PLEKHF1: variants seen among roughly 807,000 people sequenced by gnomAD.
PLEKHF1 encodes the protein pleckstrin homology and FYVE domain containing 1, also known as pleckstrin homology domain-containing family F member 1.
In PLEKHF1, 1 loss-of-function variant was observed where a neutral mutation model predicts 4.1. That is an observed-to-expected ratio of 0.24 (90% CI 0.09 to 1.15). The LOEUF is 1.15. PLEKHF1 is among the 50% of genes most tolerant of loss of function. The pLI is 0.52. For missense variants in PLEKHF1, 429 were observed against 400.6 expected (o/e 1.07, Z -0.60); for synonymous variants, 182 against 178.5 (o/e 1.02, Z -0.16).
intron 1 of PLEKHF1, among the ~76,000 whole-genome samples, chr19:29,672,398 T>G (rs1218189675): frequency 1.3e-5 from 2 of 152,200 alleles, no homozygotes; most frequent in African/African-American, 4.8e-5. Context: ...TTACCAATGC[T>G]TGTCCTGGGT....
At chr19:29,673,764 G>C (rs1305106201) in intron 1 of PLEKHF1, 60 bp from the exon 2 acceptor site, 16 of 1,544,488 alleles carry the variant, frequency 1.0e-5, no homozygotes, top group Non-Finnish European at 1.4e-5. Context: ...GGTGGGCAGC[G>C]TGGTTCTGAC....
chr19:29,674,045 T>C lies in PLEKHF1; in HGVS notation c.206T>C (p.Leu69Pro), dbSNP rs564886176. The stretch of plus-strand genomic sequence containing the variant: ...ATCCTGGTGTATGGCAGCATCGTGC[T>C]CAACAAGCGCAAGTACCGCAGCCAG... ...NDILVYGSIV[L>P]NKRKYRSQHI... Residue 69 changes from leucine (L) to proline (P), a missense_variant, in exon 2 of 2, where the codon CTC becomes CCC. Coordinates refer to ENST00000436066, the MANE Select transcript of PLEKHF1 (RefSeq NM_024310.5). The C allele has an allele frequency of 6.2e-7, 1 of 1,614,138 alleles. No individual in the cohort carries two copies. Among genetic ancestry groups the C allele is most frequent in the East Asian group, 2.2e-5 (1 of 44,888 alleles).
chr19:29,670,788 C>T (rs974136090), intron 1 of PLEKHF1, among the ~76,000 whole-genome samples: 10 of 152,228 alleles, frequency 6.6e-5, no homozygotes, highest in Admixed American at 3.3e-4. Flanking sequence ...CGCCATTCTC[C>T]TGCCTCAGCC....
At chr19:29,665,659 G>GC in intron 1 of PLEKHF1, 154 bp downstream of exon 1, 1 of 1,134,834 alleles carries the variant, frequency 8.8e-7, no homozygotes, top group Non-Finnish European at 1.1e-6. Flanking sequence ...GCTGACTCCA[G>GC]CCCAAGAAGA....
At chr19:29,672,107 C>A (rs73024197) in intron 1 of PLEKHF1, among the ~76,000 whole-genome samples, 15,041 of 152,058 alleles carry the variant, frequency 0.099, 734 homozygotes, top group South Asian at 0.12. Context: ...AAGCAGAAAA[C>A]ACACAAGCAA....
At chr19:29,673,299 G>C (rs918225377) in intron 1 of PLEKHF1, among the ~76,000 whole-genome samples, 2 of 152,112 alleles carry the variant, frequency 1.3e-5, no homozygotes, top group African/African-American at 4.8e-5. Context: ...CTGATGTCCC[G>C]TTGAGGCCTG....
In PLEKHF1 at chr19:29,674,890, G is replaced by T; in HGVS notation, c.*211G>T. 1 of 702,546 alleles carries T rather than the reference G, an allele frequency of 1.4e-6. No individual in the cohort carries two copies. The allele number at this position is 702,546 out of a possible 1,614,324, so 43.5% of individuals were successfully genotyped here. A position where few individuals can be genotyped will look rare whatever the true frequency, so the allele number is the denominator to read the frequency against. On this transcript the variant is annotated 3_prime_UTR_variant, in exon 2 of 2. Coordinates refer to ENST00000436066, the MANE Select transcript of PLEKHF1 (RefSeq NM_024310.5). ...CAGGTAATGCCTTTCCCTTCAGGAA[G>T]CCCCAGAACACCCACAGGTCTTGGT...
intron 1 of PLEKHF1, among the ~76,000 whole-genome samples, chr19:29,668,721 G>GA (rs113972567): frequency 0.017 from 2,062 of 118,924 alleles, 48 homozygotes; most frequent in African/African-American, 0.051. Flanking sequence ...CAATGTCTCA[G>GA]AAAAAAAAAA....
At position 29,674,233 on chromosome 19, in the gene PLEKHF1, C is replaced by T. The variant is rs200981706; in HGVS notation, c.394C>T (p.Arg132Trp). 3.1e-6 allele frequency: 5 copies of T among 1,611,130 alleles called. No homozygotes were observed. Among genetic ancestry groups the T allele is most frequent in the Non-Finnish European group, 4.2e-6 (5 of 1,179,666 alleles). The change falls in exon 2 of 2, where the codon CGG (arginine) becomes TGG (tryptophan). Residue 132 changes from arginine to tryptophan, a missense_variant. Transcript: ENST00000436066. The part of the protein sequence containing the change: ...WISHIEECVR[R>W]QLRATGRPPS... ...TAGCCACATCGAGGAGTGCGTGCGG[C>T]GGCAACTGAGGGCCACGGGCCGCCC...
intron 1 of PLEKHF1, 44 bp downstream of exon 1, chr19:29,665,549 G>T (rs1480661149): frequency 8.0e-7 from 1 of 1,253,484 alleles, no homozygotes; most frequent in African/African-American, 1.6e-5. Context: ...GGGTCGCGGG[G>T]CAGGCGCATG....
In PLEKHF1 at chr19:29,665,486, G is replaced by A; in HGVS notation, c.-36G>A. The A allele has an allele frequency of 8.9e-7, 1 of 1,127,150 alleles. No individual in the cohort carries two copies. The highest frequency in any genetic ancestry group is 1.4e-5 in the South Asian group (1 of 70,564). The allele number at this position is 1,127,150 out of a possible 1,614,324, so 69.8% of individuals were successfully genotyped here. ...ACTGCGGTGTGGACTCGAGGGCTGG[G>A]CGCGGGGCCGGCGCAGAAGGTGAGT... is the stretch of plus-strand genomic sequence containing the variant. On this transcript the variant is annotated 5_prime_UTR_variant, in exon 1 of 2. Transcript: ENST00000436066.
Position 29,674,769 on chromosome 19 carries a change from A to C in PLEKHF1, c.*90A>C. 1 of 1,473,656 alleles carries C rather than the reference A, an allele frequency of 6.8e-7. No homozygotes were observed. The highest frequency in any genetic ancestry group is 2.6e-4 in the Middle Eastern group (1 of 3,920). 91.3% of individuals were successfully genotyped at this position (1,473,656 alleles called of 1,614,324 possible). ...TCCAGAAGCTGCCCAGGGCTCCGGG[A>C]CCCCATCCCATGGTGGCAGGTGCAG... On this transcript the variant is annotated 3_prime_UTR_variant, in exon 2 of 2. Coordinates refer to ENST00000436066, the MANE Select transcript of PLEKHF1 (RefSeq NM_024310.5).
rs571476948 is a variant in PLEKHF1, at chr19:29,672,999, G to C, written c.-16-825G>C. Among the ~76,000 whole-genome samples the C allele has an allele frequency of 6.6e-5, 10 of 152,302 alleles. No homozygotes were observed. The South Asian group carries it at 2.1e-3, about 32-fold the overall frequency. On this transcript the variant is annotated intron_variant, in intron 1 of 1. Transcript: ENST00000436066. ...GCCTGTGTGGCCTCACACTCCACTC[G>C]GGACGGCAGCATAGTGCGAGCTCCA...
At chr19:29,672,419 G>A (rs952814747) in intron 1 of PLEKHF1, among the ~76,000 whole-genome samples, 1 of 152,184 alleles carries the variant, frequency 6.6e-6, no homozygotes, top group Non-Finnish European at 1.5e-5. Flanking sequence ...GTGGGAAGAG[G>A]CTGCCTGAGC....
chr19:29,665,525 C>G lies in PLEKHF1; in HGVS notation c.-17+20C>G. ...CAGAAGGTGAGTCCCCCCACCGTCC[C>G]CCGGCCGGGCTGCGGGTCGCGGGGC... On this transcript the variant is annotated intron_variant, in intron 1 of 1. Coordinates refer to ENST00000436066, the MANE Select transcript of PLEKHF1 (RefSeq NM_024310.5). The G allele has an allele frequency of 1.6e-6, 2 of 1,247,510 alleles. No individual in the cohort carries two copies. The highest frequency in any genetic ancestry group is 2.1e-6 in the Non-Finnish European group (2 of 969,410). The allele number at this position is 1,247,510 out of a possible 1,614,324, so 77.3% of individuals were successfully genotyped here. A position where few individuals can be genotyped will look rare whatever the true frequency, so the allele number is the denominator to read the frequency against.
At chr19:29,666,387 T>C (rs1179742467) in intron 1 of PLEKHF1, among the ~76,000 whole-genome samples, 1 of 152,160 alleles carries the variant, frequency 6.6e-6, no homozygotes, top group African/African-American at 2.4e-5. Flanking sequence ...CTGAGATGAC[T>C]CTCTGACTTC....
At position 29,674,127 on chromosome 19, in the gene PLEKHF1, C is replaced by T. The variant is rs1372615539; in HGVS notation, c.288C>T (p.Ala96=). The change falls in exon 2 of 2, where the codon GCC becomes GCT. Residue 96 remains alanine (A), a synonymous_variant. Transcript: ENST00000436066. ...TLELLPETLQ[A]KNRWMIKTAK... is the part of the protein sequence containing the mutation. ...AGCTGTTGCCGGAGACGCTGCAGGC[C>T]AAGAACCGCTGGATGATCAAGACGG... 6.2e-7 allele frequency: 1 copy of T among 1,613,944 alleles called. No homozygotes were observed. Among genetic ancestry groups the T allele is most frequent in the Non-Finnish European group, 8.5e-7 (1 of 1,180,014 alleles).
chr19:29,665,880 TG>T, intron 1 of PLEKHF1: 3 of 899,510 alleles, frequency 3.3e-6, no homozygotes, highest in Middle Eastern at 3.0e-4. Context: ...TGGCCTCGTG[TG>T]GCCGCCGGGA....
At chr19:29,673,459 A>T (rs1821143811) in intron 1 of PLEKHF1, among the ~76,000 whole-genome samples, 1 of 151,650 alleles carries the variant, frequency 6.6e-6, no homozygotes, top group Non-Finnish European at 1.5e-5. Context: ...ATCATAGCTC[A>T]CTGTAGCCTC....
Sources: allele counts gnomAD v4.1 joint callset (sites outside exome capture counted in the v4.1 genomes callset), GRCh38; gene constraint gnomAD v4.1.1; transcripts MANE v1.5; gene names NCBI Gene and HGNC (gene_info 2026-07-23, HGNC 2026-07-21).